The following CDH4 variants were observed in gnomAD, a reference collection of about 807,000 sequenced individuals.
CDH4 encodes the protein cadherin 4, also known as cadherin-4.
CDH4 carries 33 observed loss-of-function variants against 86.0 expected under a neutral mutation model. The observed-to-expected ratio is 0.38, with a 90% confidence interval of 0.29 to 0.51. The LOEUF (loss-of-function observed/expected upper bound fraction) is 0.51. Ranked by LOEUF, CDH4 falls within the 20% of genes least tolerant of loss-of-function variation. CDH4 has a pLI of 0.86. For missense variants in CDH4, 1,114 were observed against 1,307.4 expected (o/e 0.85, Z 2.28); for synonymous variants, 555 against 549.4 (o/e 1.01, Z -0.14).
chr20:61,310,956 G>A (rs2084442230), intron 2 of CDH4, among the ~76,000 whole-genome samples: 3 of 152,268 alleles, frequency 2.0e-5, no homozygotes, highest in East Asian at 1.9e-4. Context: ...GTACTGGGGG[G>A]TAGGGCTTCA....
chr20:61,558,650 C>T (rs1376776857), intron 2 of CDH4, among the ~76,000 whole-genome samples: 7 of 152,238 alleles, frequency 4.6e-5, no homozygotes, highest in African/African-American at 1.7e-4. Flanking sequence ...AGAAACGCTG[C>T]AGGCTCCATC....
At chr20:61,432,352 C>A (rs756801208) in intron 2 of CDH4, among the ~76,000 whole-genome samples, 1 of 152,156 alleles carries the variant, frequency 6.6e-6, no homozygotes, top group South Asian at 2.1e-4. Context: ...TCATTCTAAT[C>A]TCGCTGTAGT....
chr20:61,619,047 G>A (rs2086748379), intron 2 of CDH4, among the ~76,000 whole-genome samples: 1 of 152,188 alleles, frequency 6.6e-6, no homozygotes, highest in Non-Finnish European at 1.5e-5. Flanking sequence ...TCTTGGCGTG[G>A]CCCCTGCCCA....
chr20:61,391,011 G>T (rs1293318965), intron 2 of CDH4, among the ~76,000 whole-genome samples: 1 of 152,194 alleles, frequency 6.6e-6, no homozygotes, highest in African/African-American at 2.4e-5. Flanking sequence ...ACAAGCTGGG[G>T]AAGAGGAGGC....
At position 61,832,411 on chromosome 20, in the gene CDH4, G is replaced by A. The variant is rs541908473; in HGVS notation, c.577-12257G>A. On this transcript the variant is annotated intron_variant, in intron 4 of 15. Coordinates refer to ENST00000614565, the MANE Select transcript of CDH4 (RefSeq NM_001794.5). ...GTGATGAGTAAGTGAGTGGATGGAT[G>A]TAATGTGACTAGTGTACTAGTTCAT... Among the ~76,000 whole-genome samples the A allele has an allele frequency of 2.6e-5, 4 of 152,336 alleles. No individual in the cohort carries two copies. In the South Asian group the frequency reaches 8.3e-4, roughly 32 times the overall value.
At chr20:61,619,431 A>G (rs1046304057) in intron 2 of CDH4, among the ~76,000 whole-genome samples, 1 of 151,996 alleles carries the variant, frequency 6.6e-6, no homozygotes, top group East Asian at 1.9e-4. Context: ...AACGCAAATA[A>G]TTTTTTTTCA....
chr20:61,425,216 T>C (rs1490920988), intron 2 of CDH4, among the ~76,000 whole-genome samples: 5 of 152,144 alleles, frequency 3.3e-5, no homozygotes, highest in African/African-American at 1.2e-4. Flanking sequence ...CCCAGAGGCA[T>C]GGCCAACCCT....
At position 61,378,020 on chromosome 20, in the gene CDH4, G is replaced by A. The variant is rs537489339; in HGVS notation, c.169+123083G>A. Among the ~76,000 whole-genome samples the A allele has an allele frequency of 9.4e-4, 143 of 152,338 alleles. 1 individual carries two copies. The highest frequency in any genetic ancestry group is 1.6e-3 in the Non-Finnish European group (112 of 68,038). Reference sequence around the variant, plus strand: ...TGTAATTCCAACACTTTGAGAGGCCGAGGTGGGCGATCGCTTGAGCCCAGG... The same window carrying A: ...TGTAATTCCAACACTTTGAGAGGCCAAGGTGGGCGATCGCTTGAGCCCAGG... On this transcript the variant is annotated intron_variant, in intron 2 of 15. Coordinates refer to ENST00000614565, the MANE Select transcript of CDH4 (RefSeq NM_001794.5).
chr20:61,565,316 GCGGTGCTCT>G lies in CDH4; in HGVS notation c.170-178246_170-178238del, dbSNP rs1208945474. ...GGTGGTGGCGGTGCTCTTGGTGGTG[GCGGTGCTCT>G]TGGTGATGGTGGTAGTGGTCCTCTT... On this transcript the variant is annotated intron_variant, in intron 2 of 15. Coordinates refer to ENST00000614565, the MANE Select transcript of CDH4 (RefSeq NM_001794.5). Among the ~76,000 whole-genome samples the G allele has an allele frequency of 2.0e-3, 166 of 83,966 alleles. 67 individuals are homozygous for G. Among genetic ancestry groups the G allele is most frequent in the South Asian group, 3.1e-3 (6 of 1,940 alleles). 55.1% of individuals were successfully genotyped at this position (83,966 alleles called of 152,430 possible).
chr20:61,254,533 C>T (rs1341810106), intron 1 of CDH4, among the ~76,000 whole-genome samples: 1 of 152,212 alleles, frequency 6.6e-6, no homozygotes, highest in East Asian at 1.9e-4. Context: ...CAGGCGTCTC[C>T]TCTGCCAATA....
intron 2 of CDH4, among the ~76,000 whole-genome samples, chr20:61,526,715 T>C (rs1009604060): frequency 1.4e-5 from 2 of 147,002 alleles, no homozygotes; most frequent in Non-Finnish European, 3.0e-5. Context: ...TTCATGATTG[T>C]TGGATATGAG....
chr20:61,601,692 G>C (rs1436964857), intron 2 of CDH4, among the ~76,000 whole-genome samples: 1 of 152,228 alleles, frequency 6.6e-6, no homozygotes, highest in Non-Finnish European at 1.5e-5. Context: ...GGTCTCAGTT[G>C]AGTTGCACCT....
At chr20:61,677,528 A>G (rs1037207320) in intron 2 of CDH4, among the ~76,000 whole-genome samples, 5 of 152,168 alleles carry the variant, frequency 3.3e-5, no homozygotes, top group Non-Finnish European at 1.5e-5. Flanking sequence ...AAAACACAGC[A>G]CTTTACACTT....
intron 15 of CDH4, among the ~76,000 whole-genome samples, chr20:61,936,427 C>A (rs1168969771): frequency 3.3e-5 from 2 of 60,670 alleles, no homozygotes; most frequent in South Asian, 8.2e-4. Context: ...CACCCCCCCC[C>A]CCATCTGCCC....
rs559879444 is a variant in CDH4, at chr20:61,938,136, G to A, written c.*1193G>A. ...TGCCGTGCCTACCTGTCGCACAGAT[G>A]CCTCTGCACGCTGCAGACGGTGCCT... On this transcript the variant is annotated 3_prime_UTR_variant, in exon 16 of 16. Coordinates refer to ENST00000614565, the MANE Select transcript of CDH4 (RefSeq NM_001794.5). The A allele has an allele frequency of 1.3e-5, 2 of 152,370 alleles. No individual in the cohort carries two copies. The highest frequency in any genetic ancestry group is 4.8e-5 in the African/African-American group (2 of 41,590). 9.4% of individuals were successfully genotyped at this position (152,370 alleles called of 1,614,324 possible).
rs2085771933 is a variant in CDH4, at chr20:61,510,529, A to G, written c.170-233034A>G. ...GATTCGTTCCACATAAAATGCAACC[A>G]CTGTCTACTGCCCCAGGAATGGCCC... On this transcript the variant is annotated intron_variant, in intron 2 of 15. Coordinates refer to ENST00000614565, the MANE Select transcript of CDH4 (RefSeq NM_001794.5). This position sits in a 1 kb window ranked among gnomAD's most constrained non-coding sequence, Gnocchi z 4.2. 6.6e-6 allele frequency among the ~76,000 whole-genome samples: 1 copy of G among 152,178 alleles called. No homozygotes were observed. The highest frequency in any genetic ancestry group is 1.5e-5 in the Non-Finnish European group (1 of 68,022).
intron 2 of CDH4, among the ~76,000 whole-genome samples, chr20:61,358,210 T>G (rs370358334): frequency 5.6e-4 from 85 of 152,314 alleles, no homozygotes; most frequent in African/African-American, 1.9e-3. Flanking sequence ...TTTGAGCTGT[T>G]GGTTTAGGAT....
At chr20:61,511,072 C>T (rs75206191) in intron 2 of CDH4, among the ~76,000 whole-genome samples, 3,183 of 152,324 alleles carry the variant, frequency 0.021, 116 homozygotes, top group African/African-American at 0.071. Flanking sequence ...GATCCAGACA[C>T]CTCCCCACAG....
At chr20:61,304,536 C>A (rs568429243) in intron 2 of CDH4, among the ~76,000 whole-genome samples, 1 of 151,788 alleles carries the variant, frequency 6.6e-6, no homozygotes, top group South Asian at 2.1e-4. Context: ...GTATATGGTG[C>A]ATATGCTGTG....
Sources: gnomAD v4.1 joint callset for allele counts (sites outside exome capture counted in the v4.1 genomes callset) on GRCh38, gnomAD v4.1.1 for gene constraint, Gnocchi (gnomAD v3.1) non-coding constraint, MANE v1.5 for transcripts, NCBI Gene and HGNC (gene_info 2026-07-23, HGNC 2026-07-21) for gene names.